KIF5C: variants seen among roughly 807,000 people sequenced by gnomAD.
KIF5C encodes kinesin family member 5C.
Under a neutral mutation model 125.2 loss-of-function variants are expected in KIF5C, and 18 were observed. That is an observed-to-expected ratio of 0.14 (90% CI 0.10 to 0.21). The LOEUF (loss-of-function observed/expected upper bound fraction) is 0.21. Among genes scored for constraint, KIF5C ranks in the 10% least tolerant of loss-of-function variants. The pLI is 1.00. For synonymous variants in KIF5C, 405 were observed against 434.0 expected (o/e 0.93, Z 0.83); for missense variants, 780 against 1,183.8 (o/e 0.66, Z 5.01).
chr2:148,956,314 T>C (rs1682791284), intron 10 of KIF5C, among the ~76,000 whole-genome samples: 1 of 152,182 alleles, frequency 6.6e-6, no homozygotes. Context: ...AACAGAATGC[T>C]CGACAATGGG....
chr2:148,929,789 G>A (rs2105092005), intron 3 of KIF5C, among the ~76,000 whole-genome samples: 1 of 152,170 alleles, frequency 6.6e-6, no homozygotes, highest in South Asian at 2.1e-4. Flanking sequence ...TCAGCCCACA[G>A]ACATATTTTT....
chr2:148,922,043 C>A, intron 1 of KIF5C, 94 bp from the exon 2 acceptor site: 2 of 735,866 alleles, frequency 2.7e-6, no homozygotes, highest in African/African-American at 1.8e-5. Context: ...TGACTTAGTG[C>A]CTATGGCCTA....
At chr2:148,926,068 G>A (rs1411416758) in intron 2 of KIF5C, among the ~76,000 whole-genome samples, 1 of 152,142 alleles carries the variant, frequency 6.6e-6, no homozygotes, top group Non-Finnish European at 1.5e-5. Flanking sequence ...CTGGAGAGTC[G>A]GTAGGAAGCC....
At chr2:148,936,509 A>G (rs1425867961) in intron 3 of KIF5C, among the ~76,000 whole-genome samples, 1 of 152,228 alleles carries the variant, frequency 6.6e-6, no homozygotes, top group East Asian at 1.9e-4. Context: ...GTCAGATCCT[A>G]AGGCATCTTT....
chr2:148,924,187 A>C lies in KIF5C; in HGVS notation c.217+1960A>C, dbSNP rs1048600459. ...TAAGCTAAAACATAGAGGTACAAGA[A>C]AGAACTCCTTGGAACAGATGATCAA... is the stretch of plus-strand genomic sequence containing the variant. On this transcript the variant is annotated intron_variant, in intron 2 of 25. Coordinates refer to ENST00000435030, the MANE Select transcript of KIF5C (RefSeq NM_004522.3). This position sits in a 1 kb window ranked among gnomAD's most constrained non-coding sequence, Gnocchi z 4.0. 6.6e-6 allele frequency among the ~76,000 whole-genome samples: 1 copy of C among 152,226 alleles called. No individual in the cohort carries two copies. Among genetic ancestry groups the C allele is most frequent in the African/African-American group, 2.4e-5 (1 of 41,464 alleles).
intron 1 of KIF5C, 100 bp downstream of exon 1, chr2:148,875,843 C>T (rs1028421547): frequency 5.2e-5 from 77 of 1,469,888 alleles, no homozygotes; most frequent in Admixed American, 6.8e-5. Flanking sequence ...CCCCCTCGGA[C>T]ATTCCCGCGG....
chr2:148,905,215 A>G (rs901090602), intron 1 of KIF5C, among the ~76,000 whole-genome samples: 5 of 152,222 alleles, frequency 3.3e-5, no homozygotes, highest in Non-Finnish European at 7.3e-5. Flanking sequence ...TTAAAGGTAG[A>G]GTGGATGGTA....
chr2:148,934,816 G>A (rs77728400), intron 3 of KIF5C, among the ~76,000 whole-genome samples: 24,012 of 151,118 alleles, frequency 0.16, 3,140 homozygotes, highest in African/African-American at 0.36. Context: ...CGCAGACGTA[G>A]CCCTCACACC....
At chr2:148,913,303 C>T (rs1163781565) in intron 1 of KIF5C, among the ~76,000 whole-genome samples, 1 of 152,088 alleles carries the variant, frequency 6.6e-6, no homozygotes, top group Non-Finnish European at 1.5e-5. Flanking sequence ...AAAGTTTTGC[C>T]TTCCACATGG....
At chr2:148,912,772 A>G (rs1681391372) in intron 1 of KIF5C, among the ~76,000 whole-genome samples, 1 of 152,192 alleles carries the variant, frequency 6.6e-6, no homozygotes, top group African/African-American at 2.4e-5. Flanking sequence ...TAGTGCTTCA[A>G]GTACTTCATC....
intron 19 of KIF5C, chr2:148,998,931 G>C (rs1323356564): frequency 6.3e-6 from 1 of 158,354 alleles, no homozygotes; most frequent in Admixed American, 6.1e-5. Flanking sequence ...AGAGAAGACA[G>C]CACCACCGCC....
At chr2:148,891,846 C>T (rs1681716251) in intron 1 of KIF5C, among the ~76,000 whole-genome samples, 1 of 152,066 alleles carries the variant, frequency 6.6e-6, no homozygotes, top group Non-Finnish European at 1.5e-5. Flanking sequence ...TACAGGCATG[C>T]ACCACCATGC....
At chr2:148,934,144 A>C (rs1311646953) in intron 3 of KIF5C, among the ~76,000 whole-genome samples, 1 of 151,128 alleles carries the variant, frequency 6.6e-6, no homozygotes, top group Non-Finnish European at 1.5e-5. Context: ...TACATCATAC[A>C]CACACAGACA....
chr2:149,024,545 TG>T lies in KIF5C; in HGVS notation c.*1476del. The T allele has an allele frequency of 6.6e-6, 1 of 152,102 alleles. No individual in the cohort carries two copies. The highest frequency in any genetic ancestry group is 1.5e-5 in the Non-Finnish European group (1 of 68,064). 9.4% of individuals were successfully genotyped at this position (152,102 alleles called of 1,614,324 possible). On this transcript the variant is annotated 3_prime_UTR_variant, in exon 26 of 26. Coordinates refer to ENST00000435030, the MANE Select transcript of KIF5C (RefSeq NM_004522.3). ...GTGTGTGTGTGTGTGTGTGTGTGTG[TG>T]TGTGTGTGTGTGTGTATGTGTGTAA... is the stretch of plus-strand genomic sequence containing the variant.
chr2:149,005,489 A>G, intron 22 of KIF5C, 25 bp downstream of exon 22: 1 of 1,611,830 alleles, frequency 6.2e-7, no homozygotes, highest in Non-Finnish European at 8.5e-7. Flanking sequence ...TCTGAATGGG[A>G]CTGAGAAGAA....
At chr2:148,896,843 T>C (rs1680690269) in intron 1 of KIF5C, among the ~76,000 whole-genome samples, 3 of 134,116 alleles carry the variant, frequency 2.2e-5, no homozygotes, top group Non-Finnish European at 3.3e-5. Context: ...CTCTCTCTCT[T>C]TCTTTCTGAT....
intron 7 of KIF5C, among the ~76,000 whole-genome samples, chr2:148,945,351 A>C (rs1682496776): frequency 6.6e-6 from 1 of 152,098 alleles, no homozygotes; most frequent in Admixed American, 6.5e-5. Context: ...TATTTTTTGC[A>C]TGTAGCTATC....
chr2:149,022,470 GAA>G, intron 25 of KIF5C, among the ~76,000 whole-genome samples: 1 of 148,160 alleles, frequency 6.7e-6, no homozygotes, highest in East Asian at 2.0e-4. Context: ...ACTATTGTGT[GAA>G]AAAAAAAATC....
At chr2:148,892,940 C>T (rs1681747676) in intron 1 of KIF5C, among the ~76,000 whole-genome samples, 1 of 152,062 alleles carries the variant, frequency 6.6e-6, no homozygotes, top group African/African-American at 2.4e-5. Flanking sequence ...GTTTTGTTTC[C>T]TTCTTTCCAG....
Sources: gnomAD v4.1 joint callset for allele counts (sites outside exome capture counted in the v4.1 genomes callset) on GRCh38, gnomAD v4.1.1 for gene constraint, Gnocchi (gnomAD v3.1) non-coding constraint, MANE v1.5 for transcripts, NCBI Gene and HGNC (gene_info 2026-07-23, HGNC 2026-07-21) for gene names.